The following MYO16 variants were observed in gnomAD, a reference collection of about 807,000 sequenced individuals.
MYO16 encodes unconventional myosin-XVI.
In MYO16, 94 loss-of-function variants were observed where a neutral mutation model predicts 205.3. That is an observed-to-expected ratio of 0.46 (90% confidence interval 0.39 to 0.54). The LOEUF (loss-of-function observed/expected upper bound fraction) is 0.54, where lower values mean the gene tolerates loss of function less well. Ranked by LOEUF, MYO16 falls within the 20% of genes least tolerant of loss-of-function variation. MYO16 has a pLI of 0.00. For synonymous variants in MYO16, 988 were observed against 954.0 expected (o/e 1.04, Z -0.66); for missense variants, 2,315 against 2,387.5 (o/e 0.97, Z 0.63).
intron 4 of MYO16, among the ~76,000 whole-genome samples, chr13:108,762,806 G>A (rs182196924): frequency 3.3e-5 from 5 of 152,222 alleles, no homozygotes; most frequent in Non-Finnish European, 7.4e-5. Context: ...ACAATGTTTA[G>A]GGGCTAGGTT....
intron 2 of MYO16, among the ~76,000 whole-genome samples, chr13:108,710,607 G>A (rs1432234511): frequency 6.6e-6 from 1 of 152,162 alleles, no homozygotes; most frequent in African/African-American, 2.4e-5. Context: ...CCCATGAAAT[G>A]AGTACAACTG....
At chr13:109,132,438 T>C (rs1014024551) in intron 31 of MYO16, among the ~76,000 whole-genome samples, 5 of 152,244 alleles carry the variant, frequency 3.3e-5, no homozygotes, top group African/African-American at 4.8e-5. Flanking sequence ...GGAAATAATA[T>C]GTCTTTTCTT....
chr13:108,793,202 C>T (rs1051459254), intron 5 of MYO16, among the ~76,000 whole-genome samples: 1 of 150,412 alleles, frequency 6.6e-6, no homozygotes, highest in Non-Finnish European at 1.5e-5. Flanking sequence ...AGGAGAATGG[C>T]GTGAACCCGG....
At chr13:109,006,292 T>G (rs1479360082) in intron 21 of MYO16, among the ~76,000 whole-genome samples, 1 of 152,222 alleles carries the variant, frequency 6.6e-6, no homozygotes, top group East Asian at 1.9e-4. Flanking sequence ...CAGGCTGGAA[T>G]GCAGTGGCGT....
At chr13:108,886,031 A>G (rs928438848) in intron 13 of MYO16, among the ~76,000 whole-genome samples, 4 of 151,694 alleles carry the variant, frequency 2.6e-5, no homozygotes, top group Admixed American at 6.6e-5. Flanking sequence ...TCTGTCGCCC[A>G]GGCTGGAGTG....
chr13:109,170,887 C>G (rs1223150213), intron 33 of MYO16, among the ~76,000 whole-genome samples: 1 of 152,166 alleles, frequency 6.6e-6, no homozygotes, highest in East Asian at 1.9e-4. Flanking sequence ...TCTGTGTTCT[C>G]CCTTAACACA....
intron 20 of MYO16, among the ~76,000 whole-genome samples, chr13:108,969,591 C>T (rs945192578): frequency 1.3e-5 from 2 of 152,202 alleles, no homozygotes; most frequent in African/African-American, 2.4e-5. Flanking sequence ...CACCTCCACT[C>T]GGGTGTTTCA....
rs541646814 is a variant in MYO16 at position 109,065,951 on chromosome 13, G to A, written c.3335+10356G>A. On this transcript the variant is annotated intron_variant, in intron 27 of 34. Coordinates refer to ENST00000457511, the MANE Select transcript of MYO16 (RefSeq NM_001198950.3). ...GACTTGTCAATGAAAGCACCAGAGG[G>A]TTGGCTATTATGCTTGGCATGGTGA... Among the ~76,000 whole-genome samples the A allele has an allele frequency of 7.2e-5, 11 of 152,304 alleles. No homozygotes were observed. In the South Asian group the frequency reaches 2.1e-3, roughly 29 times the overall value.
chr13:108,750,625 AAAAAAAGAAAGAAAG>A (rs1441092827), intron 4 of MYO16, among the ~76,000 whole-genome samples: 51 of 151,794 alleles, frequency 3.4e-4, no homozygotes, highest in African/African-American at 1.1e-3. Flanking sequence ...AGAAAAAAAA[AAAAAAAGAAAGAAAG>A]AAAAGAAAAA....
At chr13:109,037,667 C>G (rs771983323) in intron 23 of MYO16, among the ~76,000 whole-genome samples, 3 of 151,024 alleles carry the variant, frequency 2.0e-5, no homozygotes, top group Admixed American at 6.6e-5. Flanking sequence ...CACCGAGAGA[C>G]ACACAGAGAG....
At chr13:108,609,690 G>T (rs1879100387) in intron 1 of MYO16, among the ~76,000 whole-genome samples, 1 of 152,084 alleles carries the variant, frequency 6.6e-6, no homozygotes, top group Non-Finnish European at 1.5e-5. Flanking sequence ...TAAAATAAAA[G>T]TGAATTTTAT....
At chr13:108,871,937 G>T (rs962860999) in intron 12 of MYO16, among the ~76,000 whole-genome samples, 1 of 152,176 alleles carries the variant, frequency 6.6e-6, no homozygotes, top group African/African-American at 2.4e-5. Context: ...ATTGTTCATG[G>T]TTAGGAGAAT....
intron 21 of MYO16, among the ~76,000 whole-genome samples, chr13:108,994,101 T>A (rs1218438226): frequency 3.3e-5 from 5 of 152,186 alleles, no homozygotes; most frequent in Admixed American, 6.6e-5. Flanking sequence ...TTTACTACAA[T>A]TATATAAATC....
At chr13:109,046,823 A>C (rs369107878) in intron 23 of MYO16, 93 bp from the exon 24 acceptor site, 14 of 1,058,068 alleles carry the variant, frequency 1.3e-5, no homozygotes, top group African/African-American at 1.1e-4. Flanking sequence ...TGAATATTTG[A>C]AAACTTCAGC....
intron 12 of MYO16, among the ~76,000 whole-genome samples, chr13:108,868,429 G>A (rs1487886276): frequency 2.0e-5 from 3 of 151,982 alleles, no homozygotes; most frequent in African/African-American, 4.8e-5. Context: ...ATCCTGTTTC[G>A]TGATGCGTGT....
chr13:108,652,453 T>G (rs78079185), intron 1 of MYO16, among the ~76,000 whole-genome samples: 3 of 152,202 alleles, frequency 2.0e-5, no homozygotes, highest in Non-Finnish European at 4.4e-5. Context: ...CAACCATTTT[T>G]AAGTGTACAG....
At chr13:108,862,786 G>A (rs1050067377) in intron 11 of MYO16, among the ~76,000 whole-genome samples, 1 of 152,106 alleles carries the variant, frequency 6.6e-6, no homozygotes, top group African/African-American at 2.4e-5. Context: ...AGATTAAGTG[G>A]AAATAATTGA....
At chr13:108,522,190 C>G in the MYO16 span, among the ~76,000 whole-genome samples, 1 of 152,156 alleles carries the variant, frequency 6.6e-6, no homozygotes, top group South Asian at 2.1e-4. Flanking sequence ...CAGAACTGGG[C>G]CAGAATCTTG....
Position 109,111,070 on chromosome 13 carries a change from C to T in MYO16, c.3439-9300C>T, listed in dbSNP as rs533580228. Reference sequence around the variant, plus strand: ...TGAACAAATGTGAGAAAAGGAACATCAGGAAAAATATAAATATAATGCAAC... The same window carrying T: ...TGAACAAATGTGAGAAAAGGAACATTAGGAAAAATATAAATATAATGCAAC... On this transcript the variant is annotated intron_variant, in intron 28 of 34. Coordinates refer to ENST00000457511, the MANE Select transcript of MYO16 (RefSeq NM_001198950.3). 6.0e-4 allele frequency among the ~76,000 whole-genome samples: 92 copies of T among 152,154 alleles called. 1 individual carries two copies. The highest frequency in any genetic ancestry group is 2.2e-3 in the African/African-American group (90 of 41,506).
Sources: allele counts gnomAD v4.1 joint callset (sites outside exome capture counted in the v4.1 genomes callset), GRCh38; gene constraint gnomAD v4.1.1; transcripts MANE v1.5; gene names NCBI Gene and HGNC (gene_info 2026-07-23, HGNC 2026-07-21).